Variants in CHMP3 observed in about 807,000 individuals in gnomAD.
The protein encoded by CHMP3 is 25.1 protein.
A neutral mutation model predicts 27.4 loss-of-function variants in CHMP3; 8 were observed. The ratio of observed to expected loss-of-function variants is 0.29; its 90% CI spans 0.17 to 0.53. The LOEUF is 0.53. CHMP3 is among the 20% of genes least tolerant of loss of function. The probability of loss-of-function intolerance (pLI) is 0.96; values close to 1 mark genes in which losing one functional copy is unlikely to be tolerated. For synonymous variants in CHMP3, 86 were observed against 85.5 expected, an observed-to-expected ratio of 1.01 and a Z score of -0.03; for missense variants, 208 against 271.5, an observed-to-expected ratio of 0.77 and a Z score of 1.64.
At chr2:86,506,622 G>A (rs573936366) in intron 5 of CHMP3, among the ~76,000 whole-genome samples, 2 of 146,622 alleles carry the variant, frequency 1.4e-5, no homozygotes, top group South Asian at 4.3e-4. Flanking sequence ...AGTTTGTTTC[G>A]AACCTTTTTT....
intron 1 of CHMP3, 176 bp downstream of exon 1, chr2:86,563,128 C>T: frequency 1.5e-6 from 1 of 666,158 alleles, no homozygotes; most frequent in East Asian, 2.7e-5. Context: ...GCTCTCGCGT[C>T]CCACAGCCGA....
intron 1 of CHMP3, among the ~76,000 whole-genome samples, chr2:86,547,652 A>C (rs1676663554): frequency 6.6e-6 from 1 of 152,228 alleles, no homozygotes; most frequent in South Asian, 2.1e-4. Flanking sequence ...AACACAGTCT[A>C]AGACAAAGAG....
intron 3 of CHMP3, among the ~76,000 whole-genome samples, chr2:86,524,193 A>G (rs1183350571): frequency 6.6e-6 from 1 of 152,184 alleles, no homozygotes; most frequent in Non-Finnish European, 1.5e-5. Flanking sequence ...TCAGAAAGAA[A>G]CAGAAAATAC....
chr2:86,515,881 G>A (rs1675280997), intron 3 of CHMP3, among the ~76,000 whole-genome samples: 1 of 151,682 alleles, frequency 6.6e-6, no homozygotes, highest in Non-Finnish European at 1.5e-5. Context: ...TTTTTGGCTG[G>A]GCATGGTGGC....
chr2:86,553,834 A>G (rs868729902), intron 1 of CHMP3, among the ~76,000 whole-genome samples: 1 of 152,238 alleles, frequency 6.6e-6, no homozygotes, highest in Non-Finnish European at 1.5e-5. Flanking sequence ...AAAATGTGTT[A>G]TATTTATAAT....
chr2:86,555,506 A>AG (rs1472817075), intron 1 of CHMP3, among the ~76,000 whole-genome samples: 5 of 150,860 alleles, frequency 3.3e-5, no homozygotes, highest in Non-Finnish European at 5.9e-5. Context: ...ATCTCAAAAA[A>AG]AAAAATAAAT....
intron 3 of CHMP3, among the ~76,000 whole-genome samples, chr2:86,528,781 T>C (rs949005791): frequency 4.6e-5 from 7 of 152,164 alleles, no homozygotes; most frequent in African/African-American, 1.7e-4. Flanking sequence ...ATTCCTAAGA[T>C]GTGAGGAAGC....
At chr2:86,558,679 C>A (rs1439763629) in intron 1 of CHMP3, among the ~76,000 whole-genome samples, 1 of 152,136 alleles carries the variant, frequency 6.6e-6, no homozygotes, top group Non-Finnish European at 1.5e-5. Flanking sequence ...ACCCACCTGC[C>A]TGCATCTTTC....
At chr2:86,547,542 C>A (rs748890449) in intron 1 of CHMP3, among the ~76,000 whole-genome samples, 3 of 152,142 alleles carry the variant, frequency 2.0e-5, no homozygotes, top group Non-Finnish European at 4.4e-5. Flanking sequence ...AACTGGGAAA[C>A]TTTAAAAATA....
chr2:86,527,845 C>G (rs1046834420), intron 3 of CHMP3, among the ~76,000 whole-genome samples: 1 of 151,602 alleles, frequency 6.6e-6, no homozygotes, highest in African/African-American at 2.4e-5. Flanking sequence ...CCTGTAATCC[C>G]AGCTACTTGG....
At chr2:86,511,766 G>A (rs1359545502) in intron 3 of CHMP3, 1 of 152,068 alleles carries the variant, frequency 6.6e-6, no homozygotes, top group African/African-American at 2.4e-5. Context: ...TGCATCCTGA[G>A]TCTGTAACCC....
intron 3 of CHMP3, among the ~76,000 whole-genome samples, chr2:86,526,390 G>A (rs1398220037): frequency 3.3e-4 from 50 of 152,144 alleles, no homozygotes; most frequent in Non-Finnish European, 2.9e-4. Context: ...AGTCAAAAAG[G>A]TGAAAAGGTA....
In CHMP3 at chr2:86,552,796, A is replaced by G. The variant is rs1230010633; in HGVS notation, c.46-10484T>C. Among the ~76,000 whole-genome samples, 3 of 152,172 alleles carry G rather than the reference A, an allele frequency of 2.0e-5. No homozygotes were observed. In the East Asian group the frequency reaches 5.8e-4, roughly 29 times the overall value. ...TTAGATCCAACTTCCATTTCATAGA[A>G]AACACAGGGGGTAGAGAAAAAAGCT... On this transcript the variant is annotated intron_variant, in intron 1 of 5. Transcript: ENST00000263856.
At chr2:86,529,743 A>T (rs765196064) in intron 2 of CHMP3, among the ~76,000 whole-genome samples, 13 of 152,184 alleles carry the variant, frequency 8.5e-5, no homozygotes, top group Non-Finnish European at 1.6e-4. Flanking sequence ...CTATACAGTC[A>T]CCAATCATTT....
chr2:86,509,214 G>A (rs1267846143), intron 4 of CHMP3, among the ~76,000 whole-genome samples: 1 of 152,160 alleles, frequency 6.6e-6, no homozygotes, highest in Admixed American at 6.5e-5. Flanking sequence ...TCAGATCCTG[G>A]TGGCTGAGTT....
At chr2:86,531,750 C>A (rs1000780226) in intron 2 of CHMP3, among the ~76,000 whole-genome samples, 7 of 152,292 alleles carry the variant, frequency 4.6e-5, no homozygotes, top group Middle Eastern at 3.4e-3. Context: ...GGTCTTGCTA[C>A]CCTTGTCAAA....
Position 86,505,935 on chromosome 2 carries a change from C to T in CHMP3, c.538G>A (p.Ala180Thr). The change falls in exon 6 of 6, where the codon GCA (alanine) becomes ACA (threonine). Residue 180 changes from alanine (A) to threonine (T), a missense_variant. Coordinates refer to ENST00000263856, the MANE Select transcript of CHMP3 (RefSeq NM_016079.4). ...AGGGCATCAGTCACTTTACTGGGTG[C>T]TTTGCCCAAGGCCCCTGAAAAGAAA... is the stretch of plus-strand genomic sequence containing the variant. Reference protein sequence around the residue: ...FEITAGALGKAPSKVTDALPE... With the variant: ...FEITAGALGKTPSKVTDALPE... 6.4e-7 allele frequency: 1 copy of T among 1,572,390 alleles called. No homozygotes were observed. Among genetic ancestry groups the T allele is most frequent in the Non-Finnish European group, 8.6e-7 (1 of 1,156,588 alleles).
chr2:86,534,096 T>C (rs1676030370), intron 2 of CHMP3, among the ~76,000 whole-genome samples: 1 of 152,130 alleles, frequency 6.6e-6, no homozygotes, highest in African/African-American at 2.4e-5. Flanking sequence ...GTCTAACATA[T>C]GGTCTATCCT....
chr2:86,562,910 G>C (rs1019396044), intron 1 of CHMP3: 3 of 174,364 alleles, frequency 1.7e-5, no homozygotes, highest in East Asian at 1.5e-4. Flanking sequence ...CAACGCTTCG[G>C]GCAGGAGAAG....
Sources: gnomAD v4.1 joint callset for allele counts (sites outside exome capture counted in the v4.1 genomes callset) on GRCh38, gnomAD v4.1.1 for gene constraint, MANE v1.5 for transcripts, NCBI Gene and HGNC (gene_info 2026-07-23, HGNC 2026-07-21) for gene names.